TMEM132D: variants seen among roughly 807,000 people sequenced by gnomAD.
TMEM132D encodes mature OL transmembrane protein.
Under a neutral mutation model 62.3 loss-of-function variants are expected in TMEM132D, and 21 were observed. The observed-to-expected ratio is 0.34, with a 90% CI of 0.24 to 0.49. The LOEUF is 0.49. Ranked by LOEUF, TMEM132D falls within the 20% of genes least tolerant of loss-of-function variation. The pLI is 0.99. For missense variants in TMEM132D, 1,346 were observed against 1,402.8 expected (o/e 0.96, Z 0.65); for synonymous variants, 621 against 575.6 (o/e 1.08, Z -1.13).
intron 5 of TMEM132D, among the ~76,000 whole-genome samples, chr12:129,127,498 C>T (rs112071008): frequency 9.5e-4 from 145 of 152,066 alleles, no homozygotes; most frequent in African/African-American, 2.3e-3. Context: ...CATATATGAA[C>T]GAAAGCAAAC....
chr12:129,644,421 G>A (rs1421507087), intron 2 of TMEM132D, among the ~76,000 whole-genome samples: 1 of 152,092 alleles, frequency 6.6e-6, no homozygotes, highest in Admixed American at 6.6e-5. Context: ...ATAATTGTTT[G>A]TCCTTGCAGC....
At chr12:129,488,205 T>C (rs138541159) in intron 3 of TMEM132D, among the ~76,000 whole-genome samples, 203 of 152,262 alleles carry the variant, frequency 1.3e-3, no homozygotes, top group African/African-American at 4.6e-3. Flanking sequence ...ACATGGTCTG[T>C]GGAACTTTGT....
intron 4 of TMEM132D, among the ~76,000 whole-genome samples, chr12:129,302,301 G>C (rs544888263): frequency 1.3e-5 from 2 of 152,336 alleles, no homozygotes; most frequent in African/African-American, 4.8e-5. Flanking sequence ...TTTTCGTAGA[G>C]ATGGGGTTTC....
At chr12:129,547,193 G>A (rs867803511) in intron 2 of TMEM132D, among the ~76,000 whole-genome samples, 1 of 152,196 alleles carries the variant, frequency 6.6e-6, no homozygotes, top group Non-Finnish European at 1.5e-5. Flanking sequence ...TGCCTCCATG[G>A]TTACACAGCT....
rs540359793 is a variant in TMEM132D, at chr12:129,414,974, T to A, written c.1116-77157A>T. Among the ~76,000 whole-genome samples, 26 of 152,356 alleles carry A rather than the reference T, an allele frequency of 1.7e-4. 1 individual carries two copies. In the South Asian group the frequency reaches 3.3e-3, roughly 19 times the overall value. On this transcript the variant is annotated intron_variant, in intron 3 of 8. Transcript: ENST00000422113. Reference sequence around the variant, plus strand: ...CTTAGCACAATGTGCTCTAGGTTCATCCATGCTGTCACAAATGACATTTCA... The same window carrying A: ...CTTAGCACAATGTGCTCTAGGTTCAACCATGCTGTCACAAATGACATTTCA...
chr12:129,492,034 G>A (rs186044978), intron 3 of TMEM132D, among the ~76,000 whole-genome samples: 2 of 152,308 alleles, frequency 1.3e-5, no homozygotes, highest in African/African-American at 2.4e-5. Flanking sequence ...TGGGCAAGTG[G>A]CATTATGAAT....
chr12:129,423,973 G>A (rs1872402314), intron 3 of TMEM132D, among the ~76,000 whole-genome samples: 2 of 152,122 alleles, frequency 1.3e-5, no homozygotes, highest in South Asian at 4.2e-4. Flanking sequence ...GAAAATATTT[G>A]ACATTTTTAG....
chr12:129,635,696 A>C (rs1365917781), intron 2 of TMEM132D, among the ~76,000 whole-genome samples: 1 of 152,220 alleles, frequency 6.6e-6, no homozygotes, highest in Non-Finnish European at 1.5e-5. Context: ...ACAATGAAAT[A>C]CTTGGAGAAA....
intron 1 of TMEM132D, among the ~76,000 whole-genome samples, chr12:129,706,163 A>T (rs1881502464): frequency 6.6e-6 from 1 of 152,044 alleles, no homozygotes; most frequent in South Asian, 2.1e-4. Flanking sequence ...AGTGGCTTAG[A>T]TTATTCCATT....
chr12:129,114,474 T>C (rs67316759), intron 5 of TMEM132D, among the ~76,000 whole-genome samples: 32,558 of 151,288 alleles, frequency 0.22, 5,594 homozygotes, highest in African/African-American at 0.48. Context: ...TCTCTTCTCC[T>C]TCCCTTCCTC....
At chr12:129,588,839 A>C (rs1368778045) in intron 2 of TMEM132D, among the ~76,000 whole-genome samples, 1 of 147,822 alleles carries the variant, frequency 6.8e-6, no homozygotes, top group Non-Finnish European at 1.5e-5. Flanking sequence ...ATTTTAATAT[A>C]TTAATTATTT....
intron 2 of TMEM132D, among the ~76,000 whole-genome samples, chr12:129,580,346 G>A (rs898219722): frequency 2.6e-5 from 4 of 152,200 alleles, no homozygotes; most frequent in Non-Finnish European, 4.4e-5. Context: ...GCCTGCATTC[G>A]AGTTGAAATC....
intron 5 of TMEM132D, among the ~76,000 whole-genome samples, chr12:129,124,951 C>A (rs567038460): frequency 6.6e-6 from 1 of 152,306 alleles, no homozygotes; most frequent in South Asian, 2.1e-4. Flanking sequence ...AATTACATTT[C>A]CCCACCTCAT....
intron 2 of TMEM132D, among the ~76,000 whole-genome samples, chr12:129,559,809 G>T (rs1490639560): frequency 6.6e-6 from 1 of 152,004 alleles, no homozygotes; most frequent in Non-Finnish European, 1.5e-5. Flanking sequence ...AATATTTATC[G>T]ATGTAAAAAT....
chr12:129,638,974 C>T (rs1252346454), intron 2 of TMEM132D, among the ~76,000 whole-genome samples: 1 of 151,948 alleles, frequency 6.6e-6, no homozygotes, highest in East Asian at 1.9e-4. Context: ...TTGAAGTATC[C>T]GAGAGGATAC....
chr12:129,391,814 T>G (rs4432080), intron 3 of TMEM132D, among the ~76,000 whole-genome samples: 46,658 of 152,024 alleles, frequency 0.31, 7,367 homozygotes, highest in Non-Finnish European at 0.34. Context: ...TGGAGTGCAG[T>G]GGTGCTATCT....
At chr12:129,231,371 TGG>T (rs1879635027) in intron 4 of TMEM132D, among the ~76,000 whole-genome samples, 1 of 152,240 alleles carries the variant, frequency 6.6e-6, no homozygotes, top group Non-Finnish European at 1.5e-5. Flanking sequence ...ATATCATTGG[TGG>T]GTCCCTGTGC....
chr12:129,883,743 A>G (rs1453023584), intron 1 of TMEM132D, among the ~76,000 whole-genome samples: 1 of 152,232 alleles, frequency 6.6e-6, no homozygotes, highest in African/African-American at 2.4e-5. Context: ...TATATCTACC[A>G]TATACGGTCA....
chr12:129,703,019 T>A (rs1042568458), intron 1 of TMEM132D, among the ~76,000 whole-genome samples: 2 of 152,184 alleles, frequency 1.3e-5, no homozygotes, highest in Non-Finnish European at 2.9e-5. Flanking sequence ...CTATAAGACC[T>A]ACATCAGTTG....
Sources: allele counts gnomAD v4.1 joint callset (sites outside exome capture counted in the v4.1 genomes callset), GRCh38; gene constraint gnomAD v4.1.1; transcripts MANE v1.5; gene names NCBI Gene and HGNC (gene_info 2026-07-23, HGNC 2026-07-21).